NFIB: variants seen among roughly 807,000 people sequenced by gnomAD.
The protein encoded by NFIB is nuclear factor 1 B-type.
A neutral mutation model predicts 61.5 loss-of-function variants in NFIB; 11 were observed. The observed-to-expected ratio is 0.18, with a 90% CI of 0.11 to 0.30. The LOEUF (loss-of-function observed/expected upper bound fraction) is 0.30, where lower values mean the gene tolerates loss of function less well. Among genes scored for constraint, NFIB ranks in the 10% least tolerant of loss-of-function variants. The probability of loss-of-function intolerance (pLI) is 1.00; values close to 1 mark genes in which losing one functional copy is unlikely to be tolerated. For missense variants in NFIB, 471 were observed against 608.9 expected (o/e 0.77, Z 2.38); for synonymous variants, 260 against 216.5 (o/e 1.20, Z -1.76).
At chr9:14,327,504 G>C (rs2060769669) in intron 1 of NFIB, among the ~76,000 whole-genome samples, 2 of 152,166 alleles carry the variant, frequency 1.3e-5, no homozygotes, top group Non-Finnish European at 2.9e-5. Flanking sequence ...CATGGGTCTG[G>C]ACCTTGGGCT....
intron 2 of NFIB, among the ~76,000 whole-genome samples, chr9:14,295,164 A>C (rs2059350264): frequency 6.6e-6 from 1 of 152,336 alleles, no homozygotes; most frequent in East Asian, 1.9e-4. Flanking sequence ...GAAAAGGAGG[A>C]ATGGGAAAGA....
chr9:14,473,677 A>G, the NFIB span, among the ~76,000 whole-genome samples: 1 of 152,348 alleles, frequency 6.6e-6, no homozygotes, highest in South Asian at 2.1e-4. Flanking sequence ...GTTTGAGGAC[A>G]GTTCCATGTG....
the NFIB span, among the ~76,000 whole-genome samples, chr9:14,420,862 A>G: frequency 1.1e-4 from 16 of 152,306 alleles, no homozygotes; most frequent in East Asian, 1.7e-3. Flanking sequence ...CTCAAGGCTG[A>G]CTTAATTGCC....
At chr9:14,508,238 T>C in the NFIB span, among the ~76,000 whole-genome samples, 1 of 152,160 alleles carries the variant, frequency 6.6e-6, no homozygotes. Context: ...TGTGTATGTG[T>C]GTATGTGTGA....
chr9:14,488,390 G>T, the NFIB span, among the ~76,000 whole-genome samples: 1 of 151,616 alleles, frequency 6.6e-6, no homozygotes, highest in Non-Finnish European at 1.5e-5. Context: ...CACCTGAAAA[G>T]TTTGTTAAAA....
chr9:14,250,497 G>A (rs2055475840), intron 2 of NFIB, among the ~76,000 whole-genome samples: 1 of 152,166 alleles, frequency 6.6e-6, no homozygotes, highest in African/African-American at 2.4e-5. Context: ...CAAGATAAAT[G>A]ATACATCATT....
the NFIB span, among the ~76,000 whole-genome samples, chr9:14,498,817 T>A: frequency 1.3e-5 from 1 of 76,526 alleles, no homozygotes; most frequent in Non-Finnish European, 2.3e-5. Flanking sequence ...CTTCCTCCCT[T>A]CCTCCCTTCC....
intron 2 of NFIB, 107 bp downstream of exon 2, chr9:14,306,882 G>T: frequency 1.5e-6 from 2 of 1,356,546 alleles, no homozygotes; most frequent in Non-Finnish European, 2.0e-6. Flanking sequence ...AGAGGGTGGA[G>T]GATATCTAGG....
chr9:14,264,077 A>C (rs896359351), intron 2 of NFIB, among the ~76,000 whole-genome samples: 1 of 152,202 alleles, frequency 6.6e-6, no homozygotes, highest in Non-Finnish European at 1.5e-5. Flanking sequence ...GGAAGAAAGG[A>C]GACAAACTTC....
At chr9:14,439,639 C>A in the NFIB span, among the ~76,000 whole-genome samples, 1 of 152,068 alleles carries the variant, frequency 6.6e-6, no homozygotes, top group Non-Finnish European at 1.5e-5. Flanking sequence ...ACATGCTGAG[C>A]CCCAGAAGTG....
chr9:14,184,511 C>G (rs1306208066), intron 2 of NFIB, among the ~76,000 whole-genome samples: 3 of 69,962 alleles, frequency 4.3e-5, no homozygotes, highest in East Asian at 6.9e-4. Flanking sequence ...AAATTTGTCT[C>G]CATTAAGCAA....
At chr9:14,114,032 G>GCT (rs1563797977) in intron 9 of NFIB, among the ~76,000 whole-genome samples, 1 of 152,136 alleles carries the variant, frequency 6.6e-6, no homozygotes, top group African/African-American at 2.4e-5. Flanking sequence ...TTATTGTTCT[G>GCT]AAGAAAGCTA....
chr9:14,192,593 A>C (rs1202394165), intron 2 of NFIB, among the ~76,000 whole-genome samples: 2 of 152,180 alleles, frequency 1.3e-5, no homozygotes, highest in African/African-American at 2.4e-5. Flanking sequence ...GGTGGGAAGA[A>C]AGGAGAAGGA....
intron 1 of NFIB, among the ~76,000 whole-genome samples, chr9:14,349,357 T>C (rs57582029): frequency 0.087 from 13,286 of 152,152 alleles, 781 homozygotes; most frequent in African/African-American, 0.17. Context: ...GGGCAAACTC[T>C]GCAACGGAGC....
chr9:14,448,873 C>A, the NFIB span, among the ~76,000 whole-genome samples: 1 of 152,082 alleles, frequency 6.6e-6, no homozygotes, highest in Non-Finnish European at 1.5e-5. Flanking sequence ...GTCTGCTACA[C>A]CTGCGTAAAT....
At chr9:14,456,357 A>G in the NFIB span, among the ~76,000 whole-genome samples, 2 of 152,162 alleles carry the variant, frequency 1.3e-5, no homozygotes, top group Non-Finnish European at 2.9e-5. Context: ...ACTTAATAAT[A>G]AAGTTTTTCT....
the NFIB span, among the ~76,000 whole-genome samples, chr9:14,481,593 C>T: frequency 2.6e-4 from 39 of 152,146 alleles, no homozygotes; most frequent in East Asian, 7.6e-3. Context: ...CCCTTTAGAA[C>T]TTCTCCTCCG....
At chr9:14,248,922 A>G (rs1470415812) in intron 2 of NFIB, among the ~76,000 whole-genome samples, 5 of 152,228 alleles carry the variant, frequency 3.3e-5, no homozygotes, top group East Asian at 1.9e-4. Flanking sequence ...AGAGAATCAG[A>G]GAAACATTCC....
At chr9:14,406,786 C>T in the NFIB span, among the ~76,000 whole-genome samples, 3 of 152,150 alleles carry the variant, frequency 2.0e-5, no homozygotes, top group Non-Finnish European at 2.9e-5. Context: ...CATCTGGTGA[C>T]AGAATATTCA....
Sources: gnomAD v4.1 joint callset for allele counts (sites outside exome capture counted in the v4.1 genomes callset) on GRCh38, gnomAD v4.1.1 for gene constraint, MANE v1.5 for transcripts, NCBI Gene and HGNC (gene_info 2026-07-23, HGNC 2026-07-21) for gene names.